Variants in IMMP2L observed in about 807,000 individuals in gnomAD.
The protein encoded by IMMP2L is mitochondrial inner membrane protease subunit 2.
IMMP2L carries 18 observed loss-of-function variants against 19.3 expected under a neutral mutation model. The ratio of observed to expected loss-of-function variants is 0.93; its 90% CI spans 0.64 to 1.38. IMMP2L has a LOEUF of 1.38. Ranked by LOEUF, IMMP2L falls within the 40% of genes most tolerant of loss-of-function variation. The pLI, the probability that IMMP2L is intolerant of heterozygous loss-of-function variation, is 0.00. For missense variants in IMMP2L, 233 were observed against 218.2 expected (o/e 1.07, Z -0.43); for synonymous variants, 76 against 73.0 (o/e 1.04, Z -0.21).
intron 3 of IMMP2L, among the ~76,000 whole-genome samples, chr7:111,384,593 C>T (rs1432942786): frequency 6.6e-6 from 1 of 152,046 alleles, no homozygotes; most frequent in East Asian, 1.9e-4. Context: ...ATCCTGAAGG[C>T]CTTTGTATAA....
In IMMP2L at chr7:111,295,286, C is replaced by A. The variant is rs564572221; in HGVS notation, c.239+191952G>T. On this transcript the variant is annotated intron_variant, in intron 3 of 5. Transcript: ENST00000405709. Reference sequence around the variant, plus strand: ...ATGTGTTGATATATTGCCTGAGGTCCCCAATGCAGTATCATGATAAACAAG... The same window carrying A: ...ATGTGTTGATATATTGCCTGAGGTCACCAATGCAGTATCATGATAAACAAG... 1.1e-4 allele frequency among the ~76,000 whole-genome samples: 17 copies of A among 151,790 alleles called. No individual in the cohort carries two copies. The South Asian group carries it at 3.3e-3, about 30-fold the overall frequency.
intron 3 of IMMP2L, among the ~76,000 whole-genome samples, chr7:111,135,032 G>A (rs1802202471): frequency 6.6e-6 from 1 of 151,942 alleles, no homozygotes; most frequent in Non-Finnish European, 1.5e-5. Flanking sequence ...CCCAATACTA[G>A]GCTATACTAC....
rs542373712 is a variant in IMMP2L at position 111,163,111 on chromosome 7, C to T, written c.240-199546G>A. On this transcript the variant is annotated intron_variant, in intron 3 of 5. Coordinates refer to ENST00000405709, the MANE Select transcript of IMMP2L (RefSeq NM_032549.4). ...CTACCCCAAACTGTTTCCTCAAGGA[C>T]CTGAGCGCTCTATGAGATGCAAACA... is the stretch of plus-strand genomic sequence containing the variant. Among the ~76,000 whole-genome samples, 4 of 152,170 alleles carry T rather than the reference C, an allele frequency of 2.6e-5. No individual in the cohort carries two copies. In the South Asian group the frequency reaches 8.3e-4, roughly 32 times the overall value.
chr7:111,341,629 T>A (rs376943993), intron 3 of IMMP2L, among the ~76,000 whole-genome samples: 1 of 152,146 alleles, frequency 6.6e-6, no homozygotes. Flanking sequence ...TGATAACATA[T>A]GAAATATTTA....
intron 1 of IMMP2L, among the ~76,000 whole-genome samples, chr7:111,557,799 T>C (rs984296971): frequency 1.3e-5 from 2 of 152,068 alleles, no homozygotes; most frequent in Admixed American, 6.6e-5. Flanking sequence ...ACTAGTTCCA[T>C]GTACATTACT....
intron 4 of IMMP2L, among the ~76,000 whole-genome samples, chr7:110,887,385 C>T (rs541677681): frequency 2.5e-4 from 38 of 151,044 alleles, no homozygotes; most frequent in African/African-American, 3.7e-4. Context: ...GGCTATCTCA[C>T]GCAGTTTTTG....
intron 3 of IMMP2L, among the ~76,000 whole-genome samples, chr7:111,373,877 C>T (rs1773666395): frequency 6.6e-6 from 1 of 151,952 alleles, no homozygotes; most frequent in Non-Finnish European, 1.5e-5. Context: ...AGTTAAGGAA[C>T]TCATATTTGA....
At position 110,877,924 on chromosome 7, in the gene IMMP2L, A is replaced by G. The variant is rs1395517537; in HGVS notation, c.408+8669T>C. Among the ~76,000 whole-genome samples, 1 of 152,188 alleles carries G rather than the reference A, an allele frequency of 6.6e-6. No homozygotes were observed. Among genetic ancestry groups the G allele is most frequent in the Non-Finnish European group, 1.5e-5 (1 of 68,030 alleles). On this transcript the variant is annotated intron_variant, in intron 5 of 5. Coordinates refer to ENST00000405709, the MANE Select transcript of IMMP2L (RefSeq NM_032549.4). This position sits in a 1 kb window ranked among gnomAD's most constrained non-coding sequence, Gnocchi z 4.0. ...ACTCTAAAAATAAAAAACAAAAAAC[A>G]AAAAGCACAATGGATTGATTCCAAA...
intron 3 of IMMP2L, among the ~76,000 whole-genome samples, chr7:111,364,833 T>C (rs113160502): frequency 0.016 from 2,357 of 151,290 alleles, 58 homozygotes; most frequent in African/African-American, 0.053. Context: ...CAGCCAGGTG[T>C]GGTGGCAGGC....
chr7:111,488,883 G>T (rs901977435), intron 2 of IMMP2L, among the ~76,000 whole-genome samples: 9 of 152,022 alleles, frequency 5.9e-5, no homozygotes, highest in East Asian at 1.9e-4. Flanking sequence ...TTGATTTTTT[G>T]ATTATGGCCA....
chr7:111,320,511 A>T lies in IMMP2L; in HGVS notation c.239+166727T>A, dbSNP rs569726636. Among the ~76,000 whole-genome samples the T allele has an allele frequency of 3.3e-5, 5 of 152,150 alleles. No homozygotes were observed. The East Asian group carries it at 5.8e-4, about 18-fold the overall frequency. On this transcript the variant is annotated intron_variant, in intron 3 of 5. Coordinates refer to ENST00000405709, the MANE Select transcript of IMMP2L (RefSeq NM_032549.4). Reference sequence around the variant, plus strand: ...ACAATCTGAATAATCTTTCTAAAACATTTTAGGAACAACCCACTACCCTCA... The same window carrying T: ...ACAATCTGAATAATCTTTCTAAAACTTTTTAGGAACAACCCACTACCCTCA...
intron 3 of IMMP2L, among the ~76,000 whole-genome samples, chr7:111,185,988 T>C (rs1483388644): frequency 3.3e-5 from 5 of 152,200 alleles, no homozygotes. Context: ...TGATTGTTTA[T>C]AGGCCCAGTG....
chr7:110,920,964 T>G (rs763003324), intron 4 of IMMP2L, among the ~76,000 whole-genome samples: 4 of 152,226 alleles, frequency 2.6e-5, no homozygotes, highest in Admixed American at 6.5e-5. Context: ...GTTTTTCCTG[T>G]GAAGTCCTTT....
intron 3 of IMMP2L, among the ~76,000 whole-genome samples, chr7:111,265,359 A>G (rs951322704): frequency 6.6e-6 from 1 of 152,164 alleles, no homozygotes; most frequent in African/African-American, 2.4e-5. Context: ...CAAAATCTCT[A>G]CTTTGTGTTG....
chr7:110,919,879 T>G (rs1323911732), intron 4 of IMMP2L, among the ~76,000 whole-genome samples: 3 of 152,104 alleles, frequency 2.0e-5, no homozygotes, highest in Non-Finnish European at 4.4e-5. Flanking sequence ...AGACCCATCC[T>G]CAAACTGGCT....
At chr7:111,115,089 T>C (rs188243821) in intron 3 of IMMP2L, among the ~76,000 whole-genome samples, 1 of 152,108 alleles carries the variant, frequency 6.6e-6, no homozygotes, top group Non-Finnish European at 1.5e-5. Context: ...TGAGTGTTTT[T>C]CCCAGAGAGA....
chr7:111,515,544 T>A (rs190092569), intron 2 of IMMP2L, among the ~76,000 whole-genome samples: 2 of 152,322 alleles, frequency 1.3e-5, no homozygotes, highest in East Asian at 3.9e-4. Flanking sequence ...GTATACTTAC[T>A]GCCCTGGAAA....
At position 111,384,958 on chromosome 7, in the gene IMMP2L, G is replaced by A. The variant is rs139922905; in HGVS notation, c.239+102280C>T. Among the ~76,000 whole-genome samples, 3 of 152,216 alleles carry A rather than the reference G, an allele frequency of 2.0e-5. No homozygotes were observed. In the East Asian group the frequency reaches 5.8e-4, roughly 29 times the overall value. ...TACTTCCTAACACTTCCATTTTATA[G>A]TTGAGGAAATGAATTTTTAGAAAAA... On this transcript the variant is annotated intron_variant, in intron 3 of 5. Transcript: ENST00000405709.
At chr7:111,498,781 G>GA (rs147550815) in intron 2 of IMMP2L, among the ~76,000 whole-genome samples, 2,175 of 151,604 alleles carry the variant, frequency 0.014, 46 homozygotes, top group African/African-American at 0.05. Flanking sequence ...GCATTATAAG[G>GA]AAAAAAATAA....
Sources: allele counts gnomAD v4.1 joint callset (sites outside exome capture counted in the v4.1 genomes callset), GRCh38; gene constraint gnomAD v4.1.1; non-coding constraint Gnocchi (gnomAD v3.1); transcripts MANE v1.5; gene names NCBI Gene and HGNC (gene_info 2026-07-23, HGNC 2026-07-21).